Variants in NEK10 observed in about 807,000 individuals in gnomAD.
The protein encoded by NEK10 is NIMA related kinase 10, also known as serine/threonine-protein kinase Nek10.
NEK10 carries 122 observed loss-of-function variants against 159.8 expected under a neutral mutation model. The ratio of observed to expected loss-of-function variants is 0.76; its 90% CI spans 0.66 to 0.89. The LOEUF (loss-of-function observed/expected upper bound fraction) is 0.89. Among genes scored for constraint, NEK10 ranks in the 40% least tolerant of loss-of-function variants. The probability of loss-of-function intolerance (pLI) is 0.00; values close to 1 mark genes in which losing one functional copy is unlikely to be tolerated. For missense variants in NEK10, 1,342 were observed against 1,323.1 expected, an observed-to-expected ratio of 1.01 and a Z score of -0.22; for synonymous variants, 466 against 457.1, an observed-to-expected ratio of 1.02 and a Z score of -0.25.
chr3:27,315,118 A>G (rs2045052010), intron 6 of NEK10, among the ~76,000 whole-genome samples: 1 of 152,210 alleles, frequency 6.6e-6, no homozygotes, highest in African/African-American at 2.4e-5. Flanking sequence ...TCTATAGACA[A>G]ATATTCTCAG....
chr3:27,317,737 G>A (rs2045311580), intron 6 of NEK10, among the ~76,000 whole-genome samples: 1 of 152,052 alleles, frequency 6.6e-6, no homozygotes, highest in Non-Finnish European at 1.5e-5. Context: ...TCACTGACAT[G>A]ACCATTTACT....
At chr3:27,241,841 G>A (rs575691421) in intron 23 of NEK10, among the ~76,000 whole-genome samples, 39 of 152,278 alleles carry the variant, frequency 2.6e-4, no homozygotes, top group Non-Finnish European at 4.9e-4. Context: ...TTGCAGCTGG[G>A]ACTTAAGAAA....
At chr3:27,304,223 T>C (rs1010694422) in intron 12 of NEK10, among the ~76,000 whole-genome samples, 1 of 152,200 alleles carries the variant, frequency 6.6e-6, no homozygotes, top group Admixed American at 6.5e-5. Context: ...CTAGAGTTAG[T>C]AACATGGCAA....
At chr3:27,180,902 G>C (rs1393840693) in intron 26 of NEK10, among the ~76,000 whole-genome samples, 1 of 152,046 alleles carries the variant, frequency 6.6e-6, no homozygotes, top group Non-Finnish European at 1.5e-5. Context: ...ACCTTGGCTT[G>C]CTCAGAACTC....
chr3:27,148,316 T>C (rs935008278), intron 30 of NEK10, among the ~76,000 whole-genome samples: 1 of 152,212 alleles, frequency 6.6e-6, no homozygotes. Flanking sequence ...TACTCCCTTA[T>C]GGTTTAAATG....
chr3:27,186,392 G>T (rs1030360834), intron 26 of NEK10, among the ~76,000 whole-genome samples: 1 of 152,190 alleles, frequency 6.6e-6, no homozygotes, highest in Non-Finnish European at 1.5e-5. Flanking sequence ...GGTAGCTTCT[G>T]GCAGAAAGGT....
At chr3:27,163,030 AAT>A (rs1403337741) in intron 29 of NEK10, among the ~76,000 whole-genome samples, 1 of 152,128 alleles carries the variant, frequency 6.6e-6, no homozygotes, top group Non-Finnish European at 1.5e-5. Context: ...TTAAACTCAA[AAT>A]ATGATTTTGC....
At chr3:27,120,301 G>A (rs1050323505) in intron 32 of NEK10, among the ~76,000 whole-genome samples, 5 of 151,522 alleles carry the variant, frequency 3.3e-5, no homozygotes, top group African/African-American at 1.2e-4. Flanking sequence ...GTTTGACCAA[G>A]GAAAGTAAGT....
At chr3:27,218,636 G>C (rs988818027) in intron 23 of NEK10, among the ~76,000 whole-genome samples, 1 of 145,462 alleles carries the variant, frequency 6.9e-6, no homozygotes, top group Non-Finnish European at 1.5e-5. Flanking sequence ...CGGGACTACT[G>C]TGTATACCAT....
chr3:27,254,064 C>T (rs1030337512), intron 23 of NEK10, among the ~76,000 whole-genome samples: 1 of 152,138 alleles, frequency 6.6e-6, no homozygotes, highest in Non-Finnish European at 1.5e-5. Flanking sequence ...AACCTCTCAT[C>T]CGGTGCGCAG....
intron 26 of NEK10, 99 bp downstream of exon 26, chr3:27,191,929 AT>A: frequency 1.0e-6 from 1 of 966,568 alleles, no homozygotes; most frequent in African/African-American, 1.6e-5. Flanking sequence ...GCATGTAACT[AT>A]TTTTCTAACT....
At chr3:27,208,669 T>C (rs1950741431) in intron 23 of NEK10, among the ~76,000 whole-genome samples, 1 of 152,170 alleles carries the variant, frequency 6.6e-6, no homozygotes, top group Non-Finnish European at 1.5e-5. Context: ...ACTAAATGGG[T>C]ATAAGAGTCA....
At chr3:27,311,057 TAAA>T in intron 8 of NEK10, 41 bp from the exon 9 acceptor site, 1 of 1,280,364 alleles carries the variant, frequency 7.8e-7, no homozygotes, top group Non-Finnish European at 1.1e-6. Flanking sequence ...ATCCAGAGAT[TAAA>T]GGGGGAGTAC....
At chr3:27,215,821 G>A (rs1035521203) in intron 23 of NEK10, 25 of 717,522 alleles carry the variant, frequency 3.5e-5, no homozygotes, top group Middle Eastern at 5.1e-4. Context: ...CAAAGGAGGA[G>A]CCAGCACGTT....
In NEK10 at chr3:27,338,774, GT is replaced by G. The variant is rs547012137; in HGVS notation, c.362+5497del. On this transcript the variant is annotated intron_variant, in intron 5 of 35. Coordinates refer to ENST00000691995, the MANE Select transcript of NEK10 (RefSeq NM_001394966.1). Reference sequence around the variant, plus strand: ...CCTTTGCCCTCTTTTTGATGGGCTTGTTTTTTTCTTGTAAATTTGTTGGAAT... The same window carrying G: ...CCTTTGCCCTCTTTTTGATGGGCTTGTTTTTTCTTGTAAATTTGTTGGAAT... Among the ~76,000 whole-genome samples the G allele has an allele frequency of 4.8e-3, 729 of 152,244 alleles. 5 individuals are homozygous for G. The highest frequency in any genetic ancestry group is 0.016 in the African/African-American group (682 of 41,548).
At chr3:27,362,192 G>C (rs1559563987) in intron 1 of NEK10, among the ~76,000 whole-genome samples, 1 of 152,312 alleles carries the variant, frequency 6.6e-6, no homozygotes, top group East Asian at 1.9e-4. Context: ...GGCCTGGCCA[G>C]TGAACACAGG....
intron 6 of NEK10, among the ~76,000 whole-genome samples, chr3:27,315,699 G>A (rs898105851): frequency 4.6e-5 from 7 of 152,198 alleles, no homozygotes; most frequent in Admixed American, 2.0e-4. Flanking sequence ...TGGCAGGAGT[G>A]CTCTTTGCTG....
intron 6 of NEK10, among the ~76,000 whole-genome samples, chr3:27,315,863 G>T (rs1350661148): frequency 6.6e-6 from 1 of 152,222 alleles, no homozygotes; most frequent in Non-Finnish European, 1.5e-5. Flanking sequence ...CCTCATGTGG[G>T]TGGTGGTCTC....
chr3:27,131,701 G>A lies in NEK10; in HGVS notation c.3081+179C>T, dbSNP rs570325392. The stretch of plus-strand genomic sequence containing the variant: ...CTATCCATTTGTTATCTAAAAATAA[G>A]GGCCACGGAAATAGAGAAAATCAGA... On this transcript the variant is annotated intron_variant, in intron 32 of 35. Coordinates refer to ENST00000691995, the MANE Select transcript of NEK10 (RefSeq NM_001394966.1). Among the ~76,000 whole-genome samples the A allele has an allele frequency of 1.4e-4, 21 of 152,124 alleles. No individual in the cohort carries two copies. In the South Asian group the frequency reaches 4.1e-3, roughly 30 times the overall value.
Sources: gnomAD v4.1 joint callset for allele counts (sites outside exome capture counted in the v4.1 genomes callset) on GRCh38, gnomAD v4.1.1 for gene constraint, MANE v1.5 for transcripts, NCBI Gene and HGNC (gene_info 2026-07-23, HGNC 2026-07-21) for gene names.